Variants in ARHGAP4 observed in about 807,000 individuals in gnomAD.
ARHGAP4 encodes the protein rho GTPase-activating protein 4.
Under a neutral mutation model 67.6 loss-of-function variants are expected in ARHGAP4, and 25 were observed. The ratio of observed to expected loss-of-function variants is 0.37; its 90% CI spans 0.27 to 0.52. The LOEUF is 0.52. ARHGAP4 is among the 20% of genes least tolerant of loss of function. The pLI, the probability that ARHGAP4 is intolerant of heterozygous loss-of-function variation, is 0.92. For missense variants in ARHGAP4, 804 were observed against 854.6 expected (o/e 0.94, Z 0.74); for synonymous variants, 448 against 373.7 (o/e 1.20, Z -2.29).
At position 153,909,076 on chromosome X, in the gene ARHGAP4, C is replaced by T. The variant is rs945875701; in HGVS notation, c.2601G>A (p.Val867=). The T allele has an allele frequency of 5.0e-6, 6 of 1,209,525 alleles. No individual in the cohort carries two copies. The African/African-American group carries it at 8.7e-5, about 18-fold the overall frequency. Residue 867 remains valine, a synonymous_variant, in exon 21 of 22, where the codon GTG becomes GTA. Transcript: ENST00000350060. ...VPASPEQHVE[V]DKAVAQNMDS... is the part of the protein sequence containing the mutation. ...GCCACACACCCACTCTCACCTTATC[C>T]ACCTCCACGTGTTGCTCTGGGGAGG...
intron 1 of ARHGAP4, among the ~76,000 whole-genome samples, chrX:153,924,353 G>C (rs1246409219): frequency 1.8e-5 from 2 of 111,782 alleles, no homozygotes; most frequent in Non-Finnish European, 3.8e-5. Flanking sequence ...CAGGCAACTT[G>C]TGAATTGCAA....
intron 7 of ARHGAP4, among the ~76,000 whole-genome samples, chrX:153,914,548 T>A (rs2065042294): frequency 9.0e-6 from 1 of 111,379 alleles, no homozygotes; most frequent in Non-Finnish European, 1.9e-5. Context: ...ATACAAAAAA[T>A]TAACTGGGCA....
intron 14 of ARHGAP4, 31 bp downstream of exon 14, chrX:153,910,891 C>G: frequency 8.8e-7 from 1 of 1,140,607 alleles, no homozygotes; most frequent in Non-Finnish European, 1.2e-6. Flanking sequence ...CTGCCCGAGC[C>G]CCCACCCCCG....
chrX:153,916,676 C>G (rs1557104294), intron 7 of ARHGAP4, among the ~76,000 whole-genome samples: 1 of 113,272 alleles, frequency 8.8e-6, no homozygotes. Flanking sequence ...CAAACAGACA[C>G]GATCAGCAGA....
At chrX:153,913,194 G>C (rs913681740) in intron 10 of ARHGAP4, 24 bp downstream of exon 10, 18 of 1,164,503 alleles carry the variant, frequency 1.5e-5, no homozygotes, top group Middle Eastern at 2.4e-4. Flanking sequence ...GGAGAGGCGG[G>C]GAAGGGGGCA....
At chrX:153,917,870 G>A (rs782469222) in intron 7 of ARHGAP4, among the ~76,000 whole-genome samples, 81 of 112,544 alleles carry the variant, frequency 7.2e-4, no homozygotes, top group African/African-American at 2.6e-3. Flanking sequence ...AGCTGCTGCC[G>A]TGGAATCCGG....
rs1001253910 is a variant in ARHGAP4 at position 153,918,207 on chromosome X, G to C, written c.1032+625C>G. 1.2e-4 allele frequency among the ~76,000 whole-genome samples: 14 copies of C among 112,288 alleles called. 1 individual carries two copies. The highest frequency in any genetic ancestry group is 4.5e-4 in the African/African-American group (14 of 30,877). Reference sequence around the variant, plus strand: ...AAAAATTCTGGGATAAGCCCACTGGGAGAACAAGATGCAGGGAAGCGTGTG... The same window carrying C: ...AAAAATTCTGGGATAAGCCCACTGGCAGAACAAGATGCAGGGAAGCGTGTG... On this transcript the variant is annotated intron_variant, in intron 7 of 21. Transcript: ENST00000350060.
rs2064993827 is a variant in ARHGAP4, at chrX:153,908,923, G to C, written c.2607+147C>G. The C allele has an allele frequency of 7.0e-6, 4 of 572,112 alleles. No homozygotes were observed. In the South Asian group the frequency reaches 1.0e-4, roughly 15 times the overall value. The allele number at this position is 572,112 out of a possible 1,213,427, so 47.1% of individuals were successfully genotyped here. A position where few individuals can be genotyped will look rare whatever the true frequency, so the allele number is the denominator to read the frequency against. On this transcript the variant is annotated intron_variant, in intron 21 of 21. Transcript: ENST00000350060. ...CCTGCCCTCCACAGGCTCTGCCTTG[G>C]GCCTGTGTGTCTGGCGGCAGGTTCC... is the stretch of plus-strand genomic sequence containing the variant.
chrX:153,907,869 T>C lies in ARHGAP4; in HGVS notation c.2701A>G (p.Ser901Gly). The C allele has an allele frequency of 3.9e-6, 4 of 1,033,316 alleles. No individual in the cohort carries two copies. Among genetic ancestry groups the C allele is most frequent in the Non-Finnish European group, 5.0e-6 (4 of 801,588 alleles). The allele number at this position is 1,033,316 out of a possible 1,213,427, so 85.2% of individuals were successfully genotyped here. A position where few individuals can be genotyped will look rare whatever the true frequency, so the allele number is the denominator to read the frequency against. ...GLGPASTTSP[S>G]PGPRSPKAPP... ...GCCTTTGGGCTTCGGGGCCCAGGAC[T>C]GGGAGAGGTGGTAGATGCTGGCCCA... The change falls in exon 22 of 22, where the codon AGT (serine) becomes GGT (glycine). Residue 901 changes from serine to glycine, a missense_variant. Coordinates refer to ENST00000350060, the MANE Select transcript of ARHGAP4 (RefSeq NM_001666.5).
At chrX:153,917,292 T>C in intron 7 of ARHGAP4, among the ~76,000 whole-genome samples, 1 of 106,133 alleles carries the variant, frequency 9.4e-6, no homozygotes, top group Non-Finnish European at 1.9e-5. Context: ...TGCCTGTAAT[T>C]CCAGCTACTC....
chrX:153,917,951 T>C (rs1325825403), intron 7 of ARHGAP4, among the ~76,000 whole-genome samples: 4 of 111,753 alleles, frequency 3.6e-5, no homozygotes, highest in African/African-American at 9.8e-5. Context: ...GAGGAGAAGG[T>C]TGACCTCACA....
Position 153,913,013 on chromosome X carries a change from G to A in ARHGAP4, c.1439+11C>T. On this transcript the variant is annotated intron_variant, in intron 11 of 21. Coordinates refer to ENST00000350060, the MANE Select transcript of ARHGAP4 (RefSeq NM_001666.5). ...ACCGTCGCAGGGCCCCAGCCCTCAGGGAGGACTCACCAAGACACCTCCTGC... is the reference window on the plus strand; with the variant it reads ...ACCGTCGCAGGGCCCCAGCCCTCAGAGAGGACTCACCAAGACACCTCCTGC... The A allele has an allele frequency of 8.4e-7, 1 of 1,196,818 alleles. No individual in the cohort carries two copies. The highest frequency in any genetic ancestry group is 1.1e-6 in the Non-Finnish European group (1 of 887,424).
rs143619652 is a variant in ARHGAP4, at chrX:153,909,533, G to A, written c.2417C>T (p.Thr806Met). 4.2e-5 allele frequency: 51 copies of A among 1,203,743 alleles called. No homozygotes were observed. The highest frequency in any genetic ancestry group is 4.7e-5 in the Non-Finnish European group (42 of 892,036). Residue 806 changes from threonine to methionine, a missense_variant and splice_region_variant, in exon 20 of 22, where the codon ACG (threonine) becomes ATG (methionine). By Grantham distance (81) the Thr-to-Met change is moderately conservative (BLOSUM62 -1). This residue lies in a region of ARHGAP4 where 400 missense variants were observed against 348.7 expected (regional missense o/e 1.15). Coordinates refer to ENST00000350060, the MANE Select transcript of ARHGAP4 (RefSeq NM_001666.5). ...PHKYITLPAG[T>M]EKQVVGAGLQ... ...CCCTGCGCCCACCACCTGCTTCTCC[G>A]TCCTGCGGTGGGAAGGACCGGCCTG...
Position 153,926,125 on chromosome X carries a change from C to T in ARHGAP4, c.67+11G>A, listed in dbSNP as rs782587547. 4.2e-6 allele frequency: 5 copies of T among 1,201,877 alleles called. No homozygotes were observed. Among genetic ancestry groups the T allele is most frequent in the African/African-American group, 3.5e-5 (2 of 57,103 alleles). On this transcript the variant is annotated intron_variant, in intron 1 of 21. Transcript: ENST00000350060. Reference sequence around the variant, plus strand: ...CAGGAAACGGGCCGGGAGCGCCCGGCGCCCTCTCACCTTTGACTTGCGTCT... The same window carrying T: ...CAGGAAACGGGCCGGGAGCGCCCGGTGCCCTCTCACCTTTGACTTGCGTCT...
Position 153,909,553 on chromosome X carries a change from G to T in ARHGAP4, c.2415-18C>A. On this transcript the variant is annotated intron_variant, in intron 19 of 21. Transcript: ENST00000350060. ...TCTCCGTCCTGCGGTGGGAAGGACCGGCCTGTTTCGAGTGCTCCTTCCCTG... is the reference window on the plus strand; with the variant it reads ...TCTCCGTCCTGCGGTGGGAAGGACCTGCCTGTTTCGAGTGCTCCTTCCCTG... The T allele has an allele frequency of 8.5e-7, 1 of 1,181,661 alleles. No homozygotes were observed. The highest frequency in any genetic ancestry group is 1.1e-6 in the Non-Finnish European group (1 of 881,153).
rs1284974989 is a variant in ARHGAP4, at chrX:153,907,420, G to C, written c.*309C>G. The stretch of plus-strand genomic sequence containing the variant: ...TCTTTATGAATCGCCACCCAGCCCT[G>C]CCAGGCATCTGAGCAAGGGTACCCG... On this transcript the variant is annotated 3_prime_UTR_variant, in exon 22 of 22. Transcript: ENST00000350060. 6.2e-6 allele frequency: 2 copies of C among 321,771 alleles called. No individual in the cohort carries two copies. Among genetic ancestry groups the C allele is most frequent in the African/African-American group, 5.3e-5 (2 of 37,747 alleles). 26.5% of individuals were successfully genotyped at this position (321,771 alleles called of 1,213,427 possible).
chrX:153,916,099 C>T (rs782664258), intron 7 of ARHGAP4, among the ~76,000 whole-genome samples: 1 of 112,354 alleles, frequency 8.9e-6, no homozygotes, highest in Non-Finnish European at 1.9e-5. Flanking sequence ...GACCACTCTG[C>T]GATCACGCAT....
intron 3 of ARHGAP4, 61 bp downstream of exon 3, chrX:153,921,304 C>T (rs1025196637): frequency 1.7e-6 from 2 of 1,203,303 alleles, no homozygotes; most frequent in African/African-American, 1.7e-5. Context: ...CCCTCCCAGC[C>T]ACAGTGCCTC....
rs147601758 is a variant in ARHGAP4, at chrX:153,907,959, C to T, written c.2611G>A (p.Val871Met). ...AACACAGAGTCCATGTTCTGTGCCA[C>T]AGCCTAGCGGAGGGGAAAGAAAGGG... ...PEQHVEVDKA[V>M]AQNMDSVFKE... Residue 871 changes from valine to methionine, a missense_variant, in exon 22 of 22, where the codon GTG (valine) becomes ATG (methionine). Val to Met is a conservative substitution (Grantham distance 21). Around this residue, in one of 2 missense-constraint regions of ARHGAP4, gnomAD observed 400 missense variants for 348.7 expected, o/e 1.15. Coordinates refer to ENST00000350060, the MANE Select transcript of ARHGAP4 (RefSeq NM_001666.5). 8.8e-6 allele frequency: 10 copies of T among 1,134,518 alleles called. No homozygotes were observed. Among genetic ancestry groups the T allele is most frequent in the Non-Finnish European group, 1.0e-5 (9 of 857,848 alleles). The allele number at this position is 1,134,518 out of a possible 1,213,427, so 93.5% of individuals were successfully genotyped here.
Sources: gnomAD v4.1 joint callset for allele counts (sites outside exome capture counted in the v4.1 genomes callset) on GRCh38, gnomAD v4.1.1 for gene constraint, gnomAD v4.1.1 regional missense constraint, MANE v1.5 for transcripts, NCBI Gene and HGNC (gene_info 2026-07-23, HGNC 2026-07-21) for gene names.